PDE7B: variants seen among roughly 807,000 people sequenced by gnomAD.
The protein encoded by PDE7B is 3',5'-cyclic-AMP phosphodiesterase 7B.
In PDE7B, 29 loss-of-function variants were observed where a neutral mutation model predicts 56.2. The ratio of observed to expected loss-of-function variants is 0.52; its 90% CI spans 0.38 to 0.70. PDE7B has a LOEUF of 0.70. Ranked by LOEUF, PDE7B falls within the 30% of genes least tolerant of loss-of-function variation. The probability of loss-of-function intolerance (pLI) is 0.00; values close to 1 mark genes in which losing one functional copy is unlikely to be tolerated. For missense variants in PDE7B, 490 were observed against 565.0 expected (o/e 0.87, Z 1.35); for synonymous variants, 197 against 196.9 (o/e 1.00, Z 0.00).
chr6:136,007,941 T>TAA (rs1775817414), intron 2 of PDE7B, among the ~76,000 whole-genome samples: 2 of 152,004 alleles, frequency 1.3e-5, no homozygotes, highest in African/African-American at 4.8e-5. Context: ...CAGTAACTCG[T>TAA]CATTTAACAT....
intron 1 of PDE7B, among the ~76,000 whole-genome samples, chr6:135,894,383 G>A (rs1156715532): frequency 6.6e-6 from 1 of 152,100 alleles, no homozygotes; most frequent in East Asian, 1.9e-4. Flanking sequence ...CCGCCTTCAA[G>A]TGAATTCAAA....
At chr6:136,038,342 A>G (rs1356319651) in intron 2 of PDE7B, 1 of 1,292,128 alleles carries the variant, frequency 7.7e-7, no homozygotes, top group Admixed American at 2.3e-5. Flanking sequence ...CAGGAGGTGG[A>G]CAGGCCCAGA....
At chr6:135,870,371 C>T (rs1279868171) in intron 1 of PDE7B, among the ~76,000 whole-genome samples, 1 of 151,962 alleles carries the variant, frequency 6.6e-6, no homozygotes, top group African/African-American at 2.4e-5. Context: ...TCAGTTTCTG[C>T]ATTGGTAAAA....
intron 2 of PDE7B, among the ~76,000 whole-genome samples, chr6:135,977,302 A>T (rs1030355940): frequency 6.6e-6 from 1 of 152,092 alleles, no homozygotes; most frequent in African/African-American, 2.4e-5. Context: ...ATGGGTGGAG[A>T]TATGGTTCAC....
intron 1 of PDE7B, among the ~76,000 whole-genome samples, chr6:135,852,863 G>A (rs914332889): frequency 6.6e-6 from 1 of 152,208 alleles, no homozygotes; most frequent in Non-Finnish European, 1.5e-5. Flanking sequence ...TCTAGCCAGA[G>A]TGACTATTGC....
rs1486892051 is a variant in PDE7B at position 136,111,204 on chromosome 6, A to C, written c.166+2390A>C. 15 of 152,292 alleles carry C rather than the reference A, an allele frequency of 9.8e-5. No homozygotes were observed. In the East Asian group the frequency reaches 2.9e-3, roughly 29 times the overall value. The allele number at this position is 152,292 out of a possible 1,614,324, so 9.4% of individuals were successfully genotyped here. On this transcript the variant is annotated intron_variant, in intron 3 of 12. Coordinates refer to ENST00000308191, the MANE Select transcript of PDE7B (RefSeq NM_018945.4). ...GTATCAAAGACACCCCAAAAAGACT[A>C]TAAGATCCTAAAGACAGTCTTCTCT...
In PDE7B at chr6:136,191,940, G is replaced by A; in HGVS notation, c.*100G>A. 3 of 876,386 alleles carry A rather than the reference G, an allele frequency of 3.4e-6. No homozygotes were observed. The highest frequency in any genetic ancestry group is 5.3e-6 in the Non-Finnish European group (3 of 568,068). 54.3% of individuals were successfully genotyped at this position (876,386 alleles called of 1,614,324 possible). A position where few individuals can be genotyped will look rare whatever the true frequency, so the allele number is the denominator to read the frequency against. On this transcript the variant is annotated 3_prime_UTR_variant, in exon 13 of 13. Coordinates refer to ENST00000308191, the MANE Select transcript of PDE7B (RefSeq NM_018945.4). ...ACGCAGCAGCCCAGCCACTTTCTGA[G>A]TGTTGTCCTGGGGCTCTTTGGAACG...
chr6:136,024,506 A>G (rs956798123), intron 2 of PDE7B, among the ~76,000 whole-genome samples: 3 of 150,634 alleles, frequency 2.0e-5, no homozygotes, highest in African/African-American at 7.3e-5. Flanking sequence ...CCCTTTTTCT[A>G]TCACCCTTGT....
intron 1 of PDE7B, among the ~76,000 whole-genome samples, chr6:135,867,414 G>C (rs1775282246): frequency 6.6e-6 from 1 of 152,060 alleles, no homozygotes; most frequent in South Asian, 2.1e-4. Flanking sequence ...TACATCGTAA[G>C]GTTTAAAAAT....
chr6:136,076,534 C>T (rs1777131027), intron 2 of PDE7B, among the ~76,000 whole-genome samples: 1 of 152,052 alleles, frequency 6.6e-6, no homozygotes. Flanking sequence ...GAATTGAAGG[C>T]AGCAAGGAAA....
intron 2 of PDE7B, among the ~76,000 whole-genome samples, chr6:135,969,310 T>A (rs1775051882): frequency 6.6e-6 from 1 of 152,096 alleles, no homozygotes; most frequent in Non-Finnish European, 1.5e-5. Context: ...GAACTTAAAA[T>A]AAATAAAAAT....
rs1776239695 is a variant in PDE7B, at chr6:136,031,089, T to G, written c.83-77642T>G. 3.9e-5 allele frequency among the ~76,000 whole-genome samples: 6 copies of G among 152,274 alleles called. No individual in the cohort carries two copies. The South Asian group carries it at 1.2e-3, about 32-fold the overall frequency. On this transcript the variant is annotated intron_variant, in intron 2 of 12. Coordinates refer to ENST00000308191, the MANE Select transcript of PDE7B (RefSeq NM_018945.4). ...GGTTGCTTCTTTCCATTGAGAGTAT[T>G]TGGCCTGCGCCAGCATGATTGTTTT... is the stretch of plus-strand genomic sequence containing the variant.
Position 135,981,363 on chromosome 6 carries a change from A to G in PDE7B, c.82+33839A>G, listed in dbSNP as rs141696850. ...GACGAGTTAGAGGGTGCAGCGCACC[A>G]GCATGGCACATGTACACATATGTAA... On this transcript the variant is annotated intron_variant, in intron 2 of 12. Coordinates refer to ENST00000308191, the MANE Select transcript of PDE7B (RefSeq NM_018945.4). 9.1e-3 allele frequency among the ~76,000 whole-genome samples: 1,377 copies of G among 151,824 alleles called. 16 individuals are homozygous for G. Among genetic ancestry groups the G allele is most frequent in the Middle Eastern group, 0.034 (10 of 294 alleles).
At chr6:135,889,171 A>G (rs1775762180) in intron 1 of PDE7B, among the ~76,000 whole-genome samples, 1 of 152,152 alleles carries the variant, frequency 6.6e-6, no homozygotes, top group Non-Finnish European at 1.5e-5. Context: ...GTTTGAATAC[A>G]ATGACCCACC....
chr6:136,026,509 C>T (rs189759717), intron 2 of PDE7B, among the ~76,000 whole-genome samples: 186 of 152,260 alleles, frequency 1.2e-3, no homozygotes, highest in African/African-American at 4.0e-3. Flanking sequence ...TTCAATTCAT[C>T]GGACTTAAAT....
intron 8 of PDE7B, among the ~76,000 whole-genome samples, chr6:136,163,640 C>T (rs1192375953): frequency 3.3e-5 from 5 of 152,216 alleles, no homozygotes; most frequent in African/African-American, 1.2e-4. Flanking sequence ...TTTTCTATTA[C>T]ATCATCAGCC....
At chr6:136,140,270 CAG>C (rs1383598924) in intron 3 of PDE7B, among the ~76,000 whole-genome samples, 1 of 152,060 alleles carries the variant, frequency 6.6e-6, no homozygotes, top group Non-Finnish European at 1.5e-5. Context: ...TGTCAAAGAC[CAG>C]AGAGTTGTAG....
intron 2 of PDE7B, among the ~76,000 whole-genome samples, chr6:136,001,616 T>G (rs1775669766): frequency 6.6e-6 from 1 of 151,808 alleles, no homozygotes; most frequent in South Asian, 2.1e-4. Context: ...GAAGATGAAA[T>G]GAATGAAATG....
rs967112949 is a variant in PDE7B at position 136,181,406 on chromosome 6, C to A, written c.1045+83C>A. The A allele has an allele frequency of 2.6e-5, 22 of 844,942 alleles. No homozygotes were observed. In the African/African-American group the frequency reaches 3.5e-4, roughly 13 times the overall value. 52.3% of individuals were successfully genotyped at this position (844,942 alleles called of 1,614,324 possible). ...CCTAATAAAACAGGAAATGGCTGATCTATCATGACATTTGTTCTCTCATCA... is the reference window on the plus strand; with the variant it reads ...CCTAATAAAACAGGAAATGGCTGATATATCATGACATTTGTTCTCTCATCA... On this transcript the variant is annotated intron_variant, in intron 11 of 12. Coordinates refer to ENST00000308191, the MANE Select transcript of PDE7B (RefSeq NM_018945.4).
Sources: gnomAD v4.1 joint callset for allele counts (sites outside exome capture counted in the v4.1 genomes callset) on GRCh38, gnomAD v4.1.1 for gene constraint, MANE v1.5 for transcripts, NCBI Gene and HGNC (gene_info 2026-07-23, HGNC 2026-07-21) for gene names.